OVOL1: variants seen among roughly 807,000 people sequenced by gnomAD.
The protein encoded by OVOL1 is ovo like transcriptional repressor 1.
A neutral mutation model predicts 21.5 loss-of-function variants in OVOL1; 10 were observed. That is an observed-to-expected ratio of 0.46 (90% CI 0.29 to 0.79). The LOEUF is 0.79. Ranked by LOEUF, OVOL1 falls within the 30% of genes least tolerant of loss-of-function variation. OVOL1 has a pLI of 0.10. For missense variants in OVOL1, 279 were observed against 362.3 expected (o/e 0.77, Z 1.87); for synonymous variants, 129 against 150.3 (o/e 0.86, Z 1.03).
In OVOL1 at chr11:65,794,016, CTGTT is replaced by C. The variant is rs766636301; in HGVS notation, c.101-14_101-11del. The stretch of plus-strand genomic sequence containing the variant: ...CTTCTCCACCAAGCCTCTCACCTGT[CTGTT>C]CTCTCCCCAGTCAGCCTGGGCTTCT... On this transcript the variant is annotated splice_polypyrimidine_tract_variant and intron_variant, in intron 1 of 3. Transcript: ENST00000335987. 1.9e-6 allele frequency: 3 copies of C among 1,609,106 alleles called. No individual in the cohort carries two copies. Among genetic ancestry groups the C allele is most frequent in the South Asian group, 2.2e-5 (2 of 90,968 alleles).
At chr11:65,787,720 G>A (rs1857932524) in intron 1 of OVOL1, among the ~76,000 whole-genome samples, 1 of 151,938 alleles carries the variant, frequency 6.6e-6, no homozygotes, top group South Asian at 2.1e-4. Flanking sequence ...CCGCTCCCAG[G>A]GCCAGGGGGC....
At chr11:65,793,148 G>T (rs1858056340) in intron 1 of OVOL1, among the ~76,000 whole-genome samples, 1 of 152,218 alleles carries the variant, frequency 6.6e-6, no homozygotes, top group Non-Finnish European at 1.5e-5. Context: ...TTTGAGAATT[G>T]CCTGTCTGTG....
At chr11:65,791,638 C>A (rs542974408) in intron 1 of OVOL1, among the ~76,000 whole-genome samples, 46 of 152,326 alleles carry the variant, frequency 3.0e-4, no homozygotes, top group African/African-American at 1.1e-3. Flanking sequence ...CACAGTCCCT[C>A]GGTGTCCGTG....
In OVOL1 at chr11:65,793,132, G is replaced by T. The variant is rs183111585; in HGVS notation, c.101-899G>T. Among the ~76,000 whole-genome samples, 678 of 152,368 alleles carry T rather than the reference G, an allele frequency of 4.4e-3. 9 individuals are homozygous for T. Among genetic ancestry groups the T allele is most frequent in the African/African-American group, 0.014 (587 of 41,580 alleles). On this transcript the variant is annotated intron_variant, in intron 1 of 3. Transcript: ENST00000335987. The stretch of plus-strand genomic sequence containing the variant: ...AAGTTGAAAAATTTGCCCCGGCTCT[G>T]TTGGCTTTGAGAATTGCCTGTCTGT...
chr11:65,791,452 C>G (rs1333020647), intron 1 of OVOL1, among the ~76,000 whole-genome samples: 3 of 152,226 alleles, frequency 2.0e-5, no homozygotes, highest in Non-Finnish European at 4.4e-5. Context: ...GCATCTGCTT[C>G]ACTTACTCTC....
intron 1 of OVOL1, chr11:65,788,427 TG>T: frequency 1.0e-6 from 1 of 982,966 alleles, no homozygotes; most frequent in African/African-American, 1.7e-5. Context: ...CCCCAGGCCT[TG>T]GGGGCGGGGC....
chr11:65,793,954 T>G, intron 1 of OVOL1, 77 bp from the exon 2 acceptor site: 2 of 1,193,340 alleles, frequency 1.7e-6, no homozygotes, highest in Non-Finnish European at 2.4e-6. Context: ...AGCCGTCTCA[T>G]GGCTAGGGAA....
At position 65,795,062 on chromosome 11, in the gene OVOL1, G is replaced by A. The variant is rs781047709; in HGVS notation, c.525G>A (p.Lys175=). The change falls in exon 4 of 4, where the codon AAG becomes AAA. Residue 175 remains lysine, a synonymous_variant. Coordinates refer to ENST00000335987, the MANE Select transcript of OVOL1 (RefSeq NM_004561.4). This position sits in a 1 kb window ranked among gnomAD's most constrained non-coding sequence, Gnocchi z 5.7. ...TCCCCACAGGCGTGCGGCCCTACAA[G>A]TGCAGCCTGTGTGACAAGGCCTTCA... ...VRTHTGVRPY[K]CSLCDKAFTQ... 12 of 1,613,042 alleles carry A rather than the reference G, an allele frequency of 7.4e-6. No homozygotes were observed. The East Asian group carries it at 2.5e-4, about 33-fold the overall frequency.
At chr11:65,787,660 GC>G (rs1233994467) in intron 1 of OVOL1, among the ~76,000 whole-genome samples, 187 bp downstream of exon 1, 1 of 151,672 alleles carries the variant, frequency 6.6e-6, no homozygotes, top group African/African-American at 2.4e-5. Context: ...CGGGGGCGGG[GC>G]CGGCGGAAGA....
At position 65,796,312 on chromosome 11, in the gene OVOL1, G is replaced by A. The variant is rs139344672; in HGVS notation, c.*971G>A. 33 of 152,556 alleles carry A rather than the reference G, an allele frequency of 2.2e-4. No individual in the cohort carries two copies. Among genetic ancestry groups the A allele is most frequent in the Non-Finnish European group, 4.0e-4 (27 of 68,110 alleles). 9.5% of individuals were successfully genotyped at this position (152,556 alleles called of 1,614,324 possible). On this transcript the variant is annotated 3_prime_UTR_variant, in exon 4 of 4. Transcript: ENST00000335987. ...ATGGCATCTTCTGCTCTTCCCTCCC[G>A]GCTCTGCCCTGCACATCCTGTTGAG...
intron 1 of OVOL1, chr11:65,788,561 G>C: frequency 1.0e-6 from 1 of 985,416 alleles, no homozygotes; most frequent in South Asian, 4.7e-5. Flanking sequence ...TAGGAAAGTG[G>C]GGAAATGAGG....
Position 65,795,209 on chromosome 11 carries a change from C to T in OVOL1, c.672C>T (p.Ser224=), listed in dbSNP as rs1858107039. ...VCEECGCTSE[S]QEGHVLHLKE... ...AGGAGTGCGGCTGCACATCTGAGAG[C>T]CAGGAGGGCCACGTCCTGCACCTGA... The change falls in exon 4 of 4, where the codon AGC becomes AGT. Residue 224 remains serine, a synonymous_variant. Transcript: ENST00000335987. The surrounding 1 kb of genome is among the most constrained non-coding windows in gnomAD (Gnocchi z 5.7). 6.8e-6 allele frequency: 11 copies of T among 1,613,454 alleles called. No individual in the cohort carries two copies. Among genetic ancestry groups the T allele is most frequent in the Non-Finnish European group, 8.5e-6 (10 of 1,180,022 alleles).
At position 65,795,802 on chromosome 11, in the gene OVOL1, G is replaced by C. The variant is rs1008015350; in HGVS notation, c.*461G>C. On this transcript the variant is annotated 3_prime_UTR_variant, in exon 4 of 4. Coordinates refer to ENST00000335987, the MANE Select transcript of OVOL1 (RefSeq NM_004561.4). The surrounding 1 kb of genome is among the most constrained non-coding windows in gnomAD (Gnocchi z 5.7). ...AAGGGTACCCCTGCAAACAACTGTGGTGGGGGCTGGCAGCAGACCCCCCAC... is the reference window on the plus strand; with the variant it reads ...AAGGGTACCCCTGCAAACAACTGTGCTGGGGGCTGGCAGCAGACCCCCCAC... The C allele has an allele frequency of 2.1e-5, 4 of 194,676 alleles. No homozygotes were observed. The highest frequency in any genetic ancestry group is 9.2e-5 in the African/African-American group (4 of 43,506). 12.1% of individuals were successfully genotyped at this position (194,676 alleles called of 1,614,324 possible). A position where few individuals can be genotyped will look rare whatever the true frequency, so the allele number is the denominator to read the frequency against.
rs491666 is a variant in OVOL1 at position 65,796,564 on chromosome 11, C to A, written c.*1223C>A. 0.15 allele frequency: 22,998 copies of A among 152,276 alleles called. 2,172 individuals carry two copies. The highest frequency in any genetic ancestry group is 0.23 in the South Asian group (1,086 of 4,822). The allele number at this position is 152,276 out of a possible 1,614,324, so 9.4% of individuals were successfully genotyped here. On this transcript the variant is annotated 3_prime_UTR_variant, in exon 4 of 4. Transcript: ENST00000335987. ...ATGATGACCAGCACCTCAGAAACTT[C>A]CAGAGGGAGGAGAGGATTTGATGGC...
At chr11:65,793,894 C>T (rs2135704105) in intron 1 of OVOL1, 137 bp from the exon 2 acceptor site, 1 of 671,192 alleles carries the variant, frequency 1.5e-6, no homozygotes, top group East Asian at 2.7e-5. Flanking sequence ...GTCGGGGCAG[C>T]CCCGCTCTGC....
Position 65,795,313 on chromosome 11 carries a change from C to T in OVOL1, c.776C>T (p.Ser259Phe). The change falls in exon 4 of 4, where the codon TCC becomes TTC. Residue 259 changes from serine (S) to phenylalanine (F), a missense_variant. Transcript: ENST00000335987. This position sits in a 1 kb window ranked among gnomAD's most constrained non-coding sequence, Gnocchi z 5.7. ...GTGGCACTACAGAACACTGTCACTT[C>T]CCTGCTGCAGGGCAGCCCCCACCTG... ...VAVALQNTVT[S>F]LLQGSPHL 2 of 1,608,906 alleles carry T rather than the reference C, an allele frequency of 1.2e-6. No individual in the cohort carries two copies. The highest frequency in any genetic ancestry group is 1.7e-6 in the Non-Finnish European group (2 of 1,178,374).
chr11:65,787,637 G>A (rs1040204856), intron 1 of OVOL1, among the ~76,000 whole-genome samples, 164 bp downstream of exon 1: 5 of 151,738 alleles, frequency 3.3e-5, no homozygotes, highest in South Asian at 4.1e-4. Context: ...CTCTCGACCC[G>A]GGACTCGGGG....
At chr11:65,793,681 G>A in intron 1 of OVOL1, 1 of 356,922 alleles carries the variant, frequency 2.8e-6, no homozygotes, top group Non-Finnish European at 5.2e-6. Context: ...GGTGCCCTTT[G>A]TCCCTGCAGG....
At chr11:65,788,559 T>G (rs1158974658) in intron 1 of OVOL1, 5 of 985,148 alleles carry the variant, frequency 5.1e-6, no homozygotes, top group Non-Finnish European at 4.8e-6. Flanking sequence ...TGTAGGAAAG[T>G]GGGGAAATGA....
Sources: allele counts gnomAD v4.1 joint callset (sites outside exome capture counted in the v4.1 genomes callset), GRCh38; gene constraint gnomAD v4.1.1; non-coding constraint Gnocchi (gnomAD v3.1); transcripts MANE v1.5; gene names NCBI Gene and HGNC (gene_info 2026-07-23, HGNC 2026-07-21).